NBAS: variants seen among roughly 807,000 people sequenced by gnomAD.
NBAS encodes the protein NBAS subunit of NRZ tethering complex.
Under a neutral mutation model 302.5 loss-of-function variants are expected in NBAS, and 219 were observed. That is an observed-to-expected ratio of 0.72 (90% confidence interval 0.65 to 0.81). The LOEUF is 0.81. Ranked by LOEUF, NBAS falls within the 30% of genes least tolerant of loss-of-function variation. NBAS has a pLI of 0.00. For missense variants in NBAS, 2,932 were observed against 2,841.6 expected, an observed-to-expected ratio of 1.03 and a Z score of -0.72; for synonymous variants, 1,118 against 1,021.6, an observed-to-expected ratio of 1.09 and a Z score of -1.80.
chr2:15,120,105 C>T, the NBAS span, among the ~76,000 whole-genome samples: 2 of 152,126 alleles, frequency 1.3e-5, no homozygotes, highest in African/African-American at 4.8e-5. Context: ...AGCCTTAAAA[C>T]AGGAAGTGTG....
At chr2:15,180,310 C>T (rs1664760460) in intron 50 of NBAS, 1 of 152,206 alleles carries the variant, frequency 6.6e-6, no homozygotes, top group African/African-American at 2.4e-5. Context: ...GGCTGTGCTA[C>T]ACAAACCTGT....
chr2:15,181,197 G>C (rs1664801804), intron 50 of NBAS, among the ~76,000 whole-genome samples: 1 of 152,198 alleles, frequency 6.6e-6, no homozygotes, highest in African/African-American at 2.4e-5. Flanking sequence ...TCAGTGATGA[G>C]TAAACATGCA....
the NBAS span, among the ~76,000 whole-genome samples, chr2:14,789,963 A>T: frequency 6.6e-6 from 1 of 152,250 alleles, no homozygotes. Context: ...TCTAAGCTAA[A>T]GCTGAGCCAT....
the NBAS span, among the ~76,000 whole-genome samples, chr2:15,035,492 T>C: frequency 6.6e-6 from 1 of 152,202 alleles, no homozygotes; most frequent in Non-Finnish European, 1.5e-5. Flanking sequence ...TTACTGGGCA[T>C]ATACCCAAAG....
Position 15,427,812 on chromosome 2 carries a change from AT to A in NBAS, c.2340-19del. 6.3e-7 allele frequency: 1 copy of A among 1,582,894 alleles called. No homozygotes were observed. Among genetic ancestry groups the A allele is most frequent in the Non-Finnish European group, 8.6e-7 (1 of 1,156,308 alleles). On this transcript the variant is annotated intron_variant, in intron 21 of 51. Transcript: ENST00000281513. ...CGTTAAAACTCAAATTTAAAAAAAA[AT>A]AAGTGTTTAAAATTCACATTACCTC... is the stretch of plus-strand genomic sequence containing the variant.
rs574855047 is a variant in NBAS, at chr2:15,418,956, A to G, written c.2578-1244T>C. Among the ~76,000 whole-genome samples, 9 of 152,312 alleles carry G rather than the reference A, an allele frequency of 5.9e-5. No homozygotes were observed. The East Asian group carries it at 1.7e-3, about 29-fold the overall frequency. On this transcript the variant is annotated intron_variant, in intron 23 of 51. Transcript: ENST00000281513. ...TGGAAGGAATACTAAGTATTTACTG[A>G]CTGATGAATGAAATGTACATGATGA...
the NBAS span, among the ~76,000 whole-genome samples, chr2:15,125,421 G>C: frequency 5.9e-5 from 9 of 152,114 alleles, no homozygotes. Context: ...GATCTCACAA[G>C]AACTTACTCA....
At chr2:15,517,538 C>T (rs920386501) in intron 9 of NBAS, among the ~76,000 whole-genome samples, 1 of 151,534 alleles carries the variant, frequency 6.6e-6, no homozygotes, top group South Asian at 2.1e-4. Context: ...TGAATGTATA[C>T]ACACACACAC....
At chr2:15,313,164 T>C (rs1164953244) in intron 38 of NBAS, among the ~76,000 whole-genome samples, 5 of 152,242 alleles carry the variant, frequency 3.3e-5, no homozygotes, top group Admixed American at 3.3e-4. Context: ...TTTGTGGTTT[T>C]AATTTGCCAT....
chr2:15,334,157 G>A (rs930986674), intron 35 of NBAS, among the ~76,000 whole-genome samples: 2 of 151,334 alleles, frequency 1.3e-5, no homozygotes, highest in Non-Finnish European at 2.9e-5. Flanking sequence ...CAGACAACTG[G>A]CCTAGAGGTG....
At chr2:15,152,579 A>G in the NBAS span, among the ~76,000 whole-genome samples, 2 of 152,236 alleles carry the variant, frequency 1.3e-5, no homozygotes, top group African/African-American at 4.8e-5. Flanking sequence ...GTAAATGCCA[A>G]GCTGTCATCA....
Position 15,561,084 on chromosome 2 carries a change from C to T in NBAS, c.117+104G>A. ...CCGCACAAGCCAACCGGCCCTAGTC[C>T]CCCACCCACCCGTCTCCACTCCCCT... On this transcript the variant is annotated intron_variant, in intron 1 of 51. Transcript: ENST00000281513. 5.0e-6 allele frequency: 5 copies of T among 992,682 alleles called. No homozygotes were observed. The South Asian group carries it at 5.1e-5, about 10-fold the overall frequency. 61.5% of individuals were successfully genotyped at this position (992,682 alleles called of 1,614,324 possible).
chr2:14,965,735 T>G, the NBAS span, among the ~76,000 whole-genome samples: 1 of 151,702 alleles, frequency 6.6e-6, no homozygotes. Context: ...TCTAAAAGTA[T>G]GAAAAACATC....
At chr2:15,421,987 C>T (rs1489453218) in intron 23 of NBAS, among the ~76,000 whole-genome samples, 1 of 152,162 alleles carries the variant, frequency 6.6e-6, no homozygotes, top group African/African-American at 2.4e-5. Flanking sequence ...CCCCAAAGTC[C>T]ACGGTTTACA....
chr2:15,180,703 CA>C lies in NBAS; in HGVS notation c.6712-1588del, dbSNP rs558876180. On this transcript the variant is annotated intron_variant, in intron 50 of 51. Coordinates refer to ENST00000281513, the MANE Select transcript of NBAS (RefSeq NM_015909.4). Reference sequence around the variant, plus strand: ...TGCCCAATACCGCAGCCACAAGGCACAAGCTACATTTGAGGTGGGGCTAGTG... The same window carrying C: ...TGCCCAATACCGCAGCCACAAGGCACAGCTACATTTGAGGTGGGGCTAGTG... Among the ~76,000 whole-genome samples, 456 of 152,290 alleles carry C rather than the reference CA, an allele frequency of 3.0e-3. 3 individuals carry two copies. The highest frequency in any genetic ancestry group is 0.01 in the African/African-American group (425 of 41,562).
intron 25 of NBAS, among the ~76,000 whole-genome samples, chr2:15,410,712 T>C (rs1336677370): frequency 6.6e-6 from 1 of 152,214 alleles, no homozygotes; most frequent in African/African-American, 2.4e-5. Flanking sequence ...CTGTATAATA[T>C]ACAGAAATAA....
chr2:15,454,631 C>T (rs75041930), intron 21 of NBAS, among the ~76,000 whole-genome samples: 2,507 of 152,264 alleles, frequency 0.016, 37 homozygotes, highest in Admixed American at 0.029. Flanking sequence ...CCAAGCCATG[C>T]CGGATTCCGT....
intron 35 of NBAS, among the ~76,000 whole-genome samples, chr2:15,343,248 C>T (rs1344680439): frequency 2.0e-5 from 3 of 152,112 alleles, no homozygotes; most frequent in African/African-American, 7.2e-5. Context: ...ATATTCTCAA[C>T]CTTACAAAGG....
intron 26 of NBAS, among the ~76,000 whole-genome samples, chr2:15,398,429 C>A (rs965870801): frequency 2.6e-5 from 4 of 152,222 alleles, no homozygotes; most frequent in Non-Finnish European, 4.4e-5. Context: ...CTGCACCTGG[C>A]CTTATTCAGC....
Sources: allele counts gnomAD v4.1 joint callset (sites outside exome capture counted in the v4.1 genomes callset), GRCh38; gene constraint gnomAD v4.1.1; transcripts MANE v1.5; gene names NCBI Gene and HGNC (gene_info 2026-07-23, HGNC 2026-07-21).